Variants in HEATR5A observed in about 807,000 individuals in gnomAD.
HEATR5A encodes HEAT repeat containing 5A.
In HEATR5A, 178 loss-of-function variants were observed where a neutral mutation model predicts 218.8. The ratio of observed to expected loss-of-function variants is 0.81; its 90% CI spans 0.72 to 0.92. The LOEUF (loss-of-function observed/expected upper bound fraction) is 0.92, where lower values mean the gene tolerates loss of function less well. Ranked by LOEUF, HEATR5A falls within the 40% of genes least tolerant of loss-of-function variation. The pLI is 0.00. For synonymous variants in HEATR5A, 864 were observed against 871.6 expected, an observed-to-expected ratio of 0.99 and a Z score of 0.15; for missense variants, 2,420 against 2,418.9, an observed-to-expected ratio of 1.00 and a Z score of -0.01.
intron 5 of HEATR5A, among the ~76,000 whole-genome samples, chr14:31,394,924 A>T (rs1484025315): frequency 6.6e-6 from 1 of 152,212 alleles, no homozygotes; most frequent in African/African-American, 2.4e-5. Flanking sequence ...TCACATGTAA[A>T]TTTTAATTTA....
Position 31,293,904 on chromosome 14 carries a change from A to G in HEATR5A, c.5820T>C (p.Ala1940=), listed in dbSNP as rs1235294483. The part of the protein sequence containing the change: ...IKVLETLVTV[A]EEHHRAQLVA... Reference sequence around the variant, plus strand: ...GCTGACACTTACGATGGTGTTCTTCAGCAACAGTAACCAGTGTTTCTAAGA... The same window carrying G: ...GCTGACACTTACGATGGTGTTCTTCGGCAACAGTAACCAGTGTTTCTAAGA... Residue 1940 remains alanine, a synonymous_variant, in exon 35 of 36, where the codon GCT becomes GCC. Coordinates refer to ENST00000543095, the MANE Select transcript of HEATR5A (RefSeq NM_015473.4). 2.5e-6 allele frequency: 4 copies of G among 1,600,638 alleles called. No homozygotes were observed. The highest frequency in any genetic ancestry group is 3.4e-6 in the Non-Finnish European group (4 of 1,172,648).
At chr14:31,414,867 G>GTC (rs954891063) in intron 1 of HEATR5A, among the ~76,000 whole-genome samples, 6 of 152,080 alleles carry the variant, frequency 3.9e-5, no homozygotes, top group Non-Finnish European at 8.8e-5. Context: ...TTGTGACAGA[G>GTC]TCTCACTCTG....
Position 31,371,839 on chromosome 14 carries a change from T to G in HEATR5A, c.1932A>C (p.Pro644=). The change falls in exon 13 of 36, where the codon CCA becomes CCC. Residue 644 remains proline, a synonymous_variant. Transcript: ENST00000543095. ...TTAGCAAATCCACAGCACAAGGAAG[T>G]GGTGGAAGAAGACGCTGAGTTACTT... is the stretch of plus-strand genomic sequence containing the variant. ...TEEVTQRLLP[P]LPCAVDLLTQ... is the part of the protein sequence containing the mutation. The G allele has an allele frequency of 6.5e-7, 1 of 1,545,172 alleles. No homozygotes were observed. The highest frequency in any genetic ancestry group is 8.8e-7 in the Non-Finnish European group (1 of 1,141,626).
chr14:31,347,975 T>TA, intron 18 of HEATR5A, 68 bp from the exon 19 acceptor site: 1 of 980,822 alleles, frequency 1.0e-6, no homozygotes, highest in Non-Finnish European at 1.4e-6. Flanking sequence ...AACTAATGCA[T>TA]GTACACTGTC....
chr14:31,304,716 C>A (rs1208120404), intron 32 of HEATR5A, among the ~76,000 whole-genome samples, 189 bp downstream of exon 32: 1 of 152,182 alleles, frequency 6.6e-6, no homozygotes, highest in Non-Finnish European at 1.5e-5. Flanking sequence ...TGCGCCTAGC[C>A]CTCTATATTT....
intron 19 of HEATR5A, among the ~76,000 whole-genome samples, chr14:31,346,831 G>C (rs1244106342): frequency 6.6e-6 from 1 of 152,194 alleles, no homozygotes; most frequent in Admixed American, 6.5e-5. Context: ...TAATAAGGGA[G>C]ACAGATAAGA....
intron 2 of HEATR5A, among the ~76,000 whole-genome samples, chr14:31,401,934 G>A (rs950613168): frequency 2.6e-5 from 4 of 152,098 alleles, no homozygotes; most frequent in African/African-American, 9.7e-5. Context: ...TCATTATAAA[G>A]CTAATGGTAT....
At chr14:31,311,319 C>T (rs1276856298) in intron 28 of HEATR5A, among the ~76,000 whole-genome samples, 2 of 152,138 alleles carry the variant, frequency 1.3e-5, no homozygotes, top group Non-Finnish European at 2.9e-5. Context: ...AAAGGCAAAA[C>T]TGTAAAGCTT....
At chr14:31,337,277 C>A (rs933851993) in intron 22 of HEATR5A, among the ~76,000 whole-genome samples, 199 bp downstream of exon 22, 4 of 152,208 alleles carry the variant, frequency 2.6e-5, no homozygotes, top group Non-Finnish European at 4.4e-5. Context: ...AAGGTATACA[C>A]TGCTGGTTTG....
intron 25 of HEATR5A, among the ~76,000 whole-genome samples, chr14:31,318,767 G>T (rs1899993772): frequency 6.6e-6 from 1 of 152,174 alleles, no homozygotes; most frequent in Non-Finnish European, 1.5e-5. Flanking sequence ...GATTACAGGT[G>T]TGAGCCACTG....
At chr14:31,314,921 C>T (rs745653675) in intron 27 of HEATR5A, among the ~76,000 whole-genome samples, 51 of 152,044 alleles carry the variant, frequency 3.4e-4, no homozygotes, top group Non-Finnish European at 5.9e-4. Context: ...GCTTGTGATC[C>T]GAGCACTTTA....
At chr14:31,347,954 A>G in intron 18 of HEATR5A, 47 bp from the exon 19 acceptor site, 2 of 1,197,030 alleles carry the variant, frequency 1.7e-6, no homozygotes, top group South Asian at 4.4e-5. Flanking sequence ...GCAAAAGAAA[A>G]AAAACACAAA....
intron 16 of HEATR5A, among the ~76,000 whole-genome samples, chr14:31,352,868 GA>G (rs1901281628): frequency 6.6e-6 from 1 of 152,020 alleles, no homozygotes; most frequent in Non-Finnish European, 1.5e-5. Flanking sequence ...TGAGGTAGGA[GA>G]ACTGCTTGAG....
intron 22 of HEATR5A, among the ~76,000 whole-genome samples, chr14:31,329,378 T>G (rs1900384461): frequency 6.6e-6 from 1 of 152,162 alleles, no homozygotes; most frequent in African/African-American, 2.4e-5. Flanking sequence ...GTTAGTTACT[T>G]CCTAGATACA....
intron 22 of HEATR5A, among the ~76,000 whole-genome samples, chr14:31,336,213 C>CACACACACACATATAT (rs758047507): frequency 2.2e-5 from 2 of 90,738 alleles, no homozygotes; most frequent in African/African-American, 7.3e-5. Context: ...TATATACATA[C>CACACACACACATATAT]ATACATATAT....
intron 12 of HEATR5A, among the ~76,000 whole-genome samples, chr14:31,374,245 A>G (rs1331671586): frequency 6.7e-6 from 1 of 150,274 alleles, no homozygotes; most frequent in Admixed American, 6.7e-5. Flanking sequence ...CCAAGACTGC[A>G]GTGAGCTGTG....
intron 20 of HEATR5A, among the ~76,000 whole-genome samples, chr14:31,344,423 C>T (rs892140878): frequency 6.6e-6 from 1 of 151,500 alleles, no homozygotes; most frequent in Non-Finnish European, 1.5e-5. Context: ...GGACTACAGG[C>T]GCACACCACC....
At chr14:31,320,306 T>C (rs982024914) in intron 25 of HEATR5A, 25 of 742,028 alleles carry the variant, frequency 3.4e-5, no homozygotes, top group Admixed American at 1.7e-4. Flanking sequence ...CAGAATGGCA[T>C]AGAAGAGGAG....
At position 31,349,874 on chromosome 14, in the gene HEATR5A, C is replaced by T. The variant is rs755597508; in HGVS notation, c.2623G>A (p.Ala875Thr). The T allele has an allele frequency of 1.2e-6, 2 of 1,612,270 alleles. No individual in the cohort carries two copies. Among genetic ancestry groups the T allele is most frequent in the Admixed American group, 1.7e-5 (1 of 59,926 alleles). The change falls in exon 18 of 36, where the codon GCA becomes ACA. Residue 875 changes from alanine to threonine, a missense_variant. Coordinates refer to ENST00000543095, the MANE Select transcript of HEATR5A (RefSeq NM_015473.4). ...AATCTAGCCCATGACTCTGCAGCTG[C>T]ACATCTCAGCAAGGGGTTGGGGCTT... Reference protein sequence around the residue: ...LESPNPLLRCAAAESWARLAQ... With the variant: ...LESPNPLLRCTAAESWARLAQ...
Sources: allele counts gnomAD v4.1 joint callset (sites outside exome capture counted in the v4.1 genomes callset), GRCh38; gene constraint gnomAD v4.1.1; transcripts MANE v1.5; gene names NCBI Gene and HGNC (gene_info 2026-07-23, HGNC 2026-07-21).